The following NKAIN3 variants were observed in gnomAD, a reference collection of about 807,000 sequenced individuals.
NKAIN3 encodes the protein sodium/potassium transporting ATPase interacting 3.
In NKAIN3, 25 loss-of-function variants were observed where a neutral mutation model predicts 30.2. The ratio of observed to expected loss-of-function variants is 0.83; its 90% confidence interval spans 0.60 to 1.16. The LOEUF is 1.16. Among genes scored for constraint, NKAIN3 ranks in the 50% most tolerant of loss-of-function variants. NKAIN3 has a pLI of 0.00. For synonymous variants in NKAIN3, 91 were observed against 89.6 expected (o/e 1.02, Z -0.09); for missense variants, 225 against 254.1 (o/e 0.89, Z 0.78).
In NKAIN3 at chr8:62,678,228, T is replaced by C. The variant is rs142225408; in HGVS notation, c.274-68704T>C. The stretch of plus-strand genomic sequence containing the variant: ...TGCTTCTTCTGTGCCTTTGCTAAGA[T>C]GTTTATCACTTTCTACCTTGAATTA... On this transcript the variant is annotated intron_variant, in intron 3 of 6. Coordinates refer to ENST00000623646, the MANE Select transcript of NKAIN3 (RefSeq NM_001304533.3). Among the ~76,000 whole-genome samples, 504 of 152,344 alleles carry C rather than the reference T, an allele frequency of 3.3e-3. 4 individuals carry two copies. Among genetic ancestry groups the C allele is most frequent in the African/African-American group, 0.012 (489 of 41,576 alleles).
At position 62,859,450 on chromosome 8, in the gene NKAIN3, C is replaced by T. The variant is rs115429881; in HGVS notation, c.472-59003C>T. Among the ~76,000 whole-genome samples, 467 of 129,774 alleles carry T rather than the reference C, an allele frequency of 3.6e-3. 4 individuals carry two copies. Among genetic ancestry groups the T allele is most frequent in the African/African-American group, 0.013 (445 of 35,082 alleles). 85.1% of individuals were successfully genotyped at this position (129,774 alleles called of 152,430 possible). On this transcript the variant is annotated intron_variant, in intron 4 of 6. Coordinates refer to ENST00000623646, the MANE Select transcript of NKAIN3 (RefSeq NM_001304533.3). ...GCTCATCTTGTCTGGGCTCCTGCAC[C>T]AGCCATCCTATCTATTCTTAGTAAC...
intron 3 of NKAIN3, among the ~76,000 whole-genome samples, chr8:62,643,414 C>G (rs888210142): frequency 6.6e-6 from 1 of 152,038 alleles, no homozygotes; most frequent in East Asian, 1.9e-4. Context: ...GCTGAATGTC[C>G]AAGGCAGTTA....
At chr8:62,879,839 A>G (rs907346457) in intron 4 of NKAIN3, among the ~76,000 whole-genome samples, 1 of 152,148 alleles carries the variant, frequency 6.6e-6, no homozygotes, top group Non-Finnish European at 1.5e-5. Context: ...GAGTTGCACC[A>G]AGGACTCAGA....
At chr8:62,302,628 T>G (rs1280198625) in intron 1 of NKAIN3, among the ~76,000 whole-genome samples, 1 of 152,046 alleles carries the variant, frequency 6.6e-6, no homozygotes, top group Non-Finnish European at 1.5e-5. Context: ...TTTCTTGTAG[T>G]GCCAGGACAT....
chr8:62,943,106 G>A (rs1278270172), intron 5 of NKAIN3, among the ~76,000 whole-genome samples: 1 of 152,084 alleles, frequency 6.6e-6, no homozygotes, highest in African/African-American at 2.4e-5. Flanking sequence ...ACAACCCACA[G>A]AGTTGGAGAA....
intron 3 of NKAIN3, among the ~76,000 whole-genome samples, chr8:62,655,647 C>A (rs1812742193): frequency 6.6e-6 from 1 of 152,044 alleles, no homozygotes; most frequent in Non-Finnish European, 1.5e-5. Flanking sequence ...AGTCTATCTG[C>A]TAATATTCAA....
At chr8:62,651,084 G>A (rs1377272349) in intron 3 of NKAIN3, among the ~76,000 whole-genome samples, 1 of 150,608 alleles carries the variant, frequency 6.6e-6, no homozygotes. Context: ...CTTCACTTGA[G>A]TATAATTTTT....
intron 3 of NKAIN3, among the ~76,000 whole-genome samples, chr8:62,604,707 G>A (rs1199756360): frequency 1.3e-5 from 2 of 151,922 alleles, no homozygotes; most frequent in African/African-American, 4.8e-5. Context: ...GAATTGGATG[G>A]GGAAGGACAA....
In NKAIN3 at chr8:62,560,531, C is replaced by CTTTTTTTTTTTTTTTTTTTTTTTTTT. The variant is rs869256384; in HGVS notation, c.55-18983_55-18982insTTTTTTTTTTTTTTTTTTTTTTTTTT. On this transcript the variant is annotated intron_variant, in intron 1 of 6. Coordinates refer to ENST00000623646, the MANE Select transcript of NKAIN3 (RefSeq NM_001304533.3). Reference sequence around the variant, plus strand: ...CAGTTCACTGAATCTTTTTTCTTTTCTTTTTTTTTTTTTTTTTTTTTTTTT... The same window carrying CTTTTTTTTTTTTTTTTTTTTTTTTTT: ...CAGTTCACTGAATCTTTTTTCTTTTCTTTTTTTTTTTTTTTTTTTTTTTTTTTTTTTTTTTTTTTTTTTTTTTTTTT... Among the ~76,000 whole-genome samples the CTTTTTTTTTTTTTTTTTTTTTTTTTT allele has an allele frequency of 1.3e-4, 6 of 45,362 alleles. 1 individual carries two copies. The highest frequency in any genetic ancestry group is 2.8e-4 in the African/African-American group (3 of 10,628). The allele number at this position is 45,362 out of a possible 152,430, so 29.8% of individuals were successfully genotyped here.
At chr8:62,322,404 C>T (rs533369918) in intron 1 of NKAIN3, among the ~76,000 whole-genome samples, 172 of 152,272 alleles carry the variant, frequency 1.1e-3, no homozygotes, top group African/African-American at 3.5e-3. Context: ...AGAAATCACC[C>T]GTCTTCTGTG....
intron 4 of NKAIN3, among the ~76,000 whole-genome samples, chr8:62,765,246 C>CAAAAAAAAAAAAAAAAAAAA (rs34477671): frequency 2.4e-5 from 1 of 42,510 alleles, no homozygotes; most frequent in African/African-American, 8.0e-5. Flanking sequence ...GACTCCATCT[C>CAAAAAAAAAAAAAAAAAAAA]AAAAAAAAAA....
At chr8:62,817,095 G>A (rs1393403138) in intron 4 of NKAIN3, among the ~76,000 whole-genome samples, 1 of 152,152 alleles carries the variant, frequency 6.6e-6, no homozygotes, top group East Asian at 1.9e-4. Flanking sequence ...CTGTGCCTCA[G>A]AGGGTCTTTG....
intron 4 of NKAIN3, among the ~76,000 whole-genome samples, chr8:62,867,818 T>C (rs574434147): frequency 2.0e-5 from 3 of 152,198 alleles, no homozygotes; most frequent in African/African-American, 7.2e-5. Context: ...AAACAAAGAA[T>C]AAAAAGCTTC....
intron 1 of NKAIN3, among the ~76,000 whole-genome samples, chr8:62,345,422 T>TATGTGTATATATACACAC (rs1815924484): frequency 2.3e-5 from 3 of 130,318 alleles, no homozygotes; most frequent in African/African-American, 9.7e-5. Context: ...TATATACACA[T>TATGTGTATATATACACAC]ATATACACAT....
At chr8:62,490,774 G>A (rs899165460) in intron 1 of NKAIN3, among the ~76,000 whole-genome samples, 20 of 152,038 alleles carry the variant, frequency 1.3e-4, no homozygotes, top group African/African-American at 4.8e-4. Context: ...CCTTCATACA[G>A]GAAAGAATAA....
chr8:62,299,352 T>C (rs776926266), intron 1 of NKAIN3, among the ~76,000 whole-genome samples: 6 of 152,080 alleles, frequency 3.9e-5, no homozygotes, highest in Non-Finnish European at 7.4e-5. Flanking sequence ...CATGGGTCTG[T>C]TTCACAGTAA....
intron 4 of NKAIN3, among the ~76,000 whole-genome samples, chr8:62,872,494 C>G (rs932839438): frequency 6.6e-6 from 1 of 152,242 alleles, no homozygotes; most frequent in African/African-American, 2.4e-5. Flanking sequence ...GCTGAAAGTG[C>G]AAATGCAGGA....
chr8:62,809,130 T>C (rs1563572971), intron 4 of NKAIN3, among the ~76,000 whole-genome samples: 1 of 152,166 alleles, frequency 6.6e-6, no homozygotes, highest in Admixed American at 6.5e-5. Context: ...TCTCAGGTAG[T>C]CAGACCTAAT....
chr8:62,459,403 T>A lies in NKAIN3; in HGVS notation c.55-120136T>A, dbSNP rs187785716. ...GTTTACTAGGCCAAGTGAACAATGA[T>A]CACTACTCCCCTACAGACATTTATC... On this transcript the variant is annotated intron_variant, in intron 1 of 6. Coordinates refer to ENST00000623646, the MANE Select transcript of NKAIN3 (RefSeq NM_001304533.3). 2.6e-5 allele frequency among the ~76,000 whole-genome samples: 4 copies of A among 152,282 alleles called. No individual in the cohort carries two copies. In the East Asian group the frequency reaches 5.8e-4, roughly 22 times the overall value.
Sources: gnomAD v4.1 joint callset for allele counts (sites outside exome capture counted in the v4.1 genomes callset) on GRCh38, gnomAD v4.1.1 for gene constraint, MANE v1.5 for transcripts, NCBI Gene and HGNC (gene_info 2026-07-23, HGNC 2026-07-21) for gene names.